The following RPL3L variants were observed in gnomAD, a reference collection of about 807,000 sequenced individuals.
RPL3L encodes the protein ribosomal protein uL3-like.
RPL3L carries 44 observed loss-of-function variants against 44.5 expected under a neutral mutation model. The ratio of observed to expected loss-of-function variants is 0.99; its 90% CI spans 0.78 to 1.27. The LOEUF (loss-of-function observed/expected upper bound fraction) is 1.27. Ranked by LOEUF, RPL3L falls within the 50% of genes most tolerant of loss-of-function variation. The pLI is 0.00. For synonymous variants in RPL3L, 292 were observed against 230.7 expected (o/e 1.27, Z -2.41); for missense variants, 631 against 569.1 (o/e 1.11, Z -1.11).
intron 8 of RPL3L, 77 bp downstream of exon 8, chr16:1,945,758 G>C: frequency 6.2e-7 from 1 of 1,603,864 alleles, no homozygotes; most frequent in Non-Finnish European, 8.5e-7. Context: ...ACTCCATCCC[G>C]CTCGTAGCAG....
intron 3 of RPL3L, among the ~76,000 whole-genome samples, chr16:1,952,268 C>T (rs561425422): frequency 2.2e-4 from 34 of 151,526 alleles, no homozygotes; most frequent in East Asian, 5.9e-4. Flanking sequence ...CACCACAAGC[C>T]GCCCAAATTA....
chr16:1,945,403 CA>C (rs1299470144), intron 9 of RPL3L, 95 bp downstream of exon 9: 2 of 1,409,790 alleles, frequency 1.4e-6, no homozygotes, highest in Non-Finnish European at 1.9e-6. Flanking sequence ...CAGTTGAGCT[CA>C]GGGGAGTCCC....
chr16:1,954,065 C>T lies in RPL3L; in HGVS notation c.87G>A (p.Val29=), dbSNP rs376909766. The T allele has an allele frequency of 1.9e-6, 3 of 1,605,798 alleles. No homozygotes were observed. Among genetic ancestry groups the T allele is most frequent in the Non-Finnish European group, 2.5e-6 (3 of 1,177,124 alleles). ...HKRSHRHRGK[V]KTWPRDDPSQ... ...TGGGGTCATCCCGCGGCCACGTCTT[C>T]ACCTTGCCCCGGTGCCGGTGGCTCC... is the stretch of plus-strand genomic sequence containing the variant. The change falls in exon 2 of 10, where the codon GTG becomes GTA. Residue 29 remains valine (V), a synonymous_variant. Coordinates refer to ENST00000268661, the MANE Select transcript of RPL3L (RefSeq NM_005061.3).
rs1567308298 is a variant in RPL3L at position 1,945,365 on chromosome 16, AT to A, written c.1167+133del. On this transcript the variant is annotated intron_variant, in intron 9 of 9. Transcript: ENST00000268661. ...GCGAGACTCCATCTCAAAAAATAAAATAAATAAAAAAAAAAGAGTCTCTCCT... is the reference window on the plus strand; with the variant it reads ...GCGAGACTCCATCTCAAAAAATAAAAAAATAAAAAAAAAAGAGTCTCTCCT... 6,550 of 851,302 alleles carry A rather than the reference AT, an allele frequency of 7.7e-3. 140 individuals carry two copies. Among genetic ancestry groups the A allele is most frequent in the South Asian group, 0.032 (1,317 of 40,976 alleles). 52.7% of individuals were successfully genotyped at this position (851,302 alleles called of 1,614,324 possible). A position where few individuals can be genotyped will look rare whatever the true frequency, so the allele number is the denominator to read the frequency against.
intron 3 of RPL3L, 130 bp downstream of exon 3, chr16:1,952,744 T>C: frequency 1.9e-6 from 2 of 1,038,316 alleles, no homozygotes; most frequent in South Asian, 3.1e-5. Context: ...CACTCCTACC[T>C]CCCACAGACG....
rs541782837 is a variant in RPL3L at position 1,952,977 on chromosome 16, C to T, written c.262G>A (p.Gly88Ser). ...IVETPPLVVV[G>S]VVGYVATPRG... Reference sequence around the variant, plus strand: ...GGGGTGGCCACGTAGCCCACCACGCCCACCACCACTAGGGGCGGCGTTTCT... The same window carrying T: ...GGGGTGGCCACGTAGCCCACCACGCTCACCACCACTAGGGGCGGCGTTTCT... The change falls in exon 3 of 10, where the codon GGC becomes AGC. Residue 88 changes from glycine to serine, a missense_variant. Transcript: ENST00000268661. The T allele has an allele frequency of 5.0e-6, 8 of 1,612,872 alleles. No homozygotes were observed. In the African/African-American group the frequency reaches 5.3e-5, roughly 11 times the overall value.
chr16:1,952,710 A>AACAC (rs142507470), intron 3 of RPL3L, among the ~76,000 whole-genome samples, 164 bp downstream of exon 3: 21 of 150,692 alleles, frequency 1.4e-4, no homozygotes, highest in South Asian at 6.3e-4. Flanking sequence ...GCAACCACAC[A>AACAC]ACACACACAC....
At position 1,954,131 on chromosome 16, in the gene RPL3L, G is replaced by A. The variant is rs138244927; in HGVS notation, c.21C>T (p.Ser7=). The A allele has an allele frequency of 8.4e-5, 134 of 1,588,888 alleles. 1 individual carries two copies. Among genetic ancestry groups the A allele is most frequent in the Non-Finnish European group, 8.0e-5 (94 of 1,168,032 alleles). ...AGCCCAGGTGTCCGTGCCGAGGGGC[G>A]GAAAACTTCCGGTGGGACTGGGGGG... The part of the protein sequence containing the change: MSHRKF[S]APRHGHLGFL... The change falls in exon 2 of 10, where the codon TCC becomes TCT. Residue 7 remains serine (S), a synonymous_variant. Coordinates refer to ENST00000268661, the MANE Select transcript of RPL3L (RefSeq NM_005061.3).
At chr16:1,950,671 T>C (rs2083165795) in intron 4 of RPL3L, among the ~76,000 whole-genome samples, 173 bp downstream of exon 4, 2 of 152,166 alleles carry the variant, frequency 1.3e-5, no homozygotes. Context: ...CACCGATGCC[T>C]TTCAGCAGCC....
At chr16:1,953,424 C>T (rs438339) in intron 2 of RPL3L, among the ~76,000 whole-genome samples, 135,883 of 152,178 alleles carry the variant, frequency 0.89, 60,772 homozygotes, top group East Asian at 1. Flanking sequence ...TTCACGATGC[C>T]GTCCAGGTTG....
In RPL3L at chr16:1,952,886, AATCGGCGCCGGCACTC is replaced by A; in HGVS notation, c.337_352del (p.Glu113SerfsTer36). On this transcript the variant is annotated frameshift_variant, in exon 3 of 10. Transcript: ENST00000268661. LOFTEE classifies it high-confidence loss of function. ...GGGCGGTGCTCACCAGTCCTTGTAG[AATCGGCGCCGGCACTC>A]ATCACTGAGGTGTTCTGCAAAGATG... 6.2e-7 allele frequency: 1 copy of A among 1,613,906 alleles called. No homozygotes were observed. The highest frequency in any genetic ancestry group is 8.5e-7 in the Non-Finnish European group (1 of 1,179,990).
chr16:1,953,124 G>C, intron 2 of RPL3L, 82 bp from the exon 3 acceptor site: 1 of 1,449,202 alleles, frequency 6.9e-7, no homozygotes, highest in African/African-American at 1.4e-5. Flanking sequence ...CCCACATAGG[G>C]GCAGGACAGG....
In RPL3L at chr16:1,945,556, G is replaced by C. The variant is rs1230316105; in HGVS notation, c.1110C>G (p.Thr370=). The change falls in exon 9 of 10, where the codon ACC becomes ACG. Residue 370 remains threonine (T), a synonymous_variant. Coordinates refer to ENST00000268661, the MANE Select transcript of RPL3L (RefSeq NM_005061.3). ...VENIELKFID[T]TSKFGHGRFQ... ...AGCGGCCATGGCCGAACTTGGAGGT[G>C]GTGTCAATGAACTTGAGCTCAATAT... is the stretch of plus-strand genomic sequence containing the variant. 8 of 1,613,816 alleles carry C rather than the reference G, an allele frequency of 5.0e-6. No individual in the cohort carries two copies. Among genetic ancestry groups the C allele is most frequent in the Non-Finnish European group, 5.1e-6 (6 of 1,179,944 alleles).
chr16:1,948,114 T>C (rs2083139003), intron 4 of RPL3L, among the ~76,000 whole-genome samples: 1 of 151,584 alleles, frequency 6.6e-6, no homozygotes. Context: ...ATTTTTTGTA[T>C]TTTTAGTTGA....
At chr16:1,945,225 C>T (rs1293020197) in intron 9 of RPL3L, among the ~76,000 whole-genome samples, 1 of 151,942 alleles carries the variant, frequency 6.6e-6, no homozygotes, top group Admixed American at 6.6e-5. Flanking sequence ...CGTGGTGGCA[C>T]GTGCCTGTAG....
chr16:1,950,529 C>T (rs1168638283), intron 4 of RPL3L, among the ~76,000 whole-genome samples: 3 of 152,138 alleles, frequency 2.0e-5, no homozygotes, highest in Non-Finnish European at 1.5e-5. Context: ...CCTGTGCACA[C>T]TTACGCTGGA....
chr16:1,949,711 AG>A (rs1170647118), intron 4 of RPL3L, among the ~76,000 whole-genome samples: 1 of 127,812 alleles, frequency 7.8e-6, no homozygotes, highest in Non-Finnish European at 1.6e-5. Context: ...TGTACGGGGC[AG>A]GTATGGACGG....
At chr16:1,947,152 C>T (rs1252928977) in intron 5 of RPL3L, 42 bp downstream of exon 5, 10 of 1,612,934 alleles carry the variant, frequency 6.2e-6, no homozygotes, top group Non-Finnish European at 8.5e-6. Flanking sequence ...CCACTGCCTC[C>T]AGGCAGCCTG....
chr16:1,954,042 G>A lies in RPL3L; in HGVS notation c.110C>T (p.Pro37Leu). The change falls in exon 2 of 10, where the codon CCC (proline) becomes CTC (leucine). Residue 37 changes from proline (P) to leucine (L), a missense_variant. Coordinates refer to ENST00000268661, the MANE Select transcript of RPL3L (RefSeq NM_005061.3). Reference sequence around the variant, plus strand: ...GGCCGTGAGGTGCACGGGCTGGCTGGGGTCATCCCGCGGCCACGTCTTCAC... The same window carrying A: ...GGCCGTGAGGTGCACGGGCTGGCTGAGGTCATCCCGCGGCCACGTCTTCAC... Reference protein sequence around the residue: ...GKVKTWPRDDPSQPVHLTAFL... With the variant: ...GKVKTWPRDDLSQPVHLTAFL... The A allele has an allele frequency of 1.9e-6, 3 of 1,608,322 alleles. No homozygotes were observed. Among genetic ancestry groups the A allele is most frequent in the Non-Finnish European group, 2.5e-6 (3 of 1,177,992 alleles).
Sources: allele counts gnomAD v4.1 joint callset (sites outside exome capture counted in the v4.1 genomes callset), GRCh38; gene constraint gnomAD v4.1.1; transcripts MANE v1.5; gene names NCBI Gene and HGNC (gene_info 2026-07-23, HGNC 2026-07-21).